UBR4: variants seen among roughly 807,000 people sequenced by gnomAD.
UBR4 encodes ubiquitin protein ligase E3 component n-recognin 4, also known as E3 ubiquitin-protein ligase UBR4.
A neutral mutation model predicts 575.6 loss-of-function variants in UBR4; 124 were observed. The ratio of observed to expected loss-of-function variants is 0.22; its 90% CI spans 0.19 to 0.25. The LOEUF (loss-of-function observed/expected upper bound fraction) is 0.25. Ranked by LOEUF, UBR4 falls within the 10% of genes least tolerant of loss-of-function variation. The pLI, the probability that UBR4 is intolerant of heterozygous loss-of-function variation, is 1.00. For missense variants in UBR4, 4,818 were observed against 6,478.8 expected (o/e 0.74, Z 8.80); for synonymous variants, 2,455 against 2,473.7 (o/e 0.99, Z 0.22).
In UBR4 at chr1:19,146,855, G is replaced by A. The variant is rs1260814939; in HGVS notation, c.7775C>T (p.Thr2592Met). The A allele has an allele frequency of 9.3e-6, 15 of 1,613,740 alleles. 1 individual carries two copies. Among genetic ancestry groups the A allele is most frequent in the East Asian group, 6.7e-5 (3 of 44,870 alleles). The change falls in exon 52 of 106, where the codon ACG becomes ATG. Residue 2592 changes from threonine (T) to methionine (M), a missense_variant. Physicochemically the swap from Thr to Met is moderately conservative, Grantham distance 81 (BLOSUM62 -1). Coordinates refer to ENST00000375254, the MANE Select transcript of UBR4 (RefSeq NM_020765.3). ...IMRPNNLVHF[T>M]ESKLPQMETE... is the part of the protein sequence containing the mutation. Reference sequence around the variant, plus strand: ...TTCCATCTGGGGCAGCTTTGACTCCGTAAAGTGGACAAGGTTGTTGGGGCG... The same window carrying A: ...TTCCATCTGGGGCAGCTTTGACTCCATAAAGTGGACAAGGTTGTTGGGGCG...
At chr1:19,195,939 G>A (rs865901292) in intron 8 of UBR4, among the ~76,000 whole-genome samples, 14 of 144,168 alleles carry the variant, frequency 9.7e-5, no homozygotes, top group Middle Eastern at 3.8e-3. Flanking sequence ...CAACACCCAC[G>A]AACAGCCATA....
chr1:19,146,904 T>C lies in UBR4; in HGVS notation c.7726A>G (p.Thr2576Ala). The C allele has an allele frequency of 6.2e-7, 1 of 1,614,214 alleles. No individual in the cohort carries two copies. Among genetic ancestry groups the C allele is most frequent in the Non-Finnish European group, 8.5e-7 (1 of 1,180,016 alleles). ...DPEVFQRLVITARSIAIMRPN... is the reference protein window; with the variant it reads ...DPEVFQRLVIAARSIAIMRPN... ...CGCATGATGGCAATGGAGCGAGCTG[T>C]GATCACTAGCCTCTGGAACACCTCA... The change falls in exon 52 of 106, where the codon ACA becomes GCA. Residue 2576 changes from threonine to alanine, a missense_variant. Transcript: ENST00000375254.
chr1:19,085,870 A>G (rs935697035), intron 101 of UBR4, among the ~76,000 whole-genome samples: 2 of 152,202 alleles, frequency 1.3e-5, no homozygotes, highest in Non-Finnish European at 2.9e-5. Flanking sequence ...CAGCAAAGGA[A>G]TAGTGAAGAC....
Position 19,088,548 on chromosome 1 carries a change from T to C in UBR4, c.14430+211A>G, listed in dbSNP as rs1335850926. ...TGGCTATTATCACTGGTTTACTGTTTTGGTAAACTTCGTAAGTCACTTACT... is the reference window on the plus strand; with the variant it reads ...TGGCTATTATCACTGGTTTACTGTTCTGGTAAACTTCGTAAGTCACTTACT... On this transcript the variant is annotated intron_variant, in intron 98 of 105. Transcript: ENST00000375254. This position sits in a 1 kb window ranked among gnomAD's most constrained non-coding sequence, Gnocchi z 4.0. Among the ~76,000 whole-genome samples the C allele has an allele frequency of 6.6e-6, 1 of 152,240 alleles. No individual in the cohort carries two copies. The highest frequency in any genetic ancestry group is 1.5e-5 in the Non-Finnish European group (1 of 68,038).
chr1:19,089,133 C>T lies in UBR4; in HGVS notation c.14212-156G>A, dbSNP rs1043599791. Among the ~76,000 whole-genome samples the T allele has an allele frequency of 6.6e-5, 10 of 152,358 alleles. No individual in the cohort carries two copies. Among genetic ancestry groups the T allele is most frequent in the Non-Finnish European group, 1.2e-4 (8 of 68,032 alleles). ...CTTTGATTCCACACTTTGACAGACA[C>T]AGACAAATGGAAGAGGGTTTGGCTC... On this transcript the variant is annotated intron_variant, in intron 97 of 105. Coordinates refer to ENST00000375254, the MANE Select transcript of UBR4 (RefSeq NM_020765.3). This position sits in a 1 kb window ranked among gnomAD's most constrained non-coding sequence, Gnocchi z 4.3.
At chr1:19,103,273 G>A (rs1459058129) in intron 87 of UBR4, among the ~76,000 whole-genome samples, 1 of 152,164 alleles carries the variant, frequency 6.6e-6, no homozygotes, top group African/African-American at 2.4e-5. Context: ...ATAAAGGAGG[G>A]AAATGTGAAT....
At chr1:19,123,130 A>C (rs2081350891) in intron 65 of UBR4, 70 bp from the exon 66 acceptor site, 9 of 1,516,878 alleles carry the variant, frequency 5.9e-6, no homozygotes, top group Non-Finnish European at 7.2e-6. Context: ...TGGCTCTCAC[A>C]CCCTGGGTTT....
intron 96 of UBR4, 45 bp from the exon 97 acceptor site, chr1:19,092,963 G>C: frequency 6.4e-7 from 1 of 1,562,894 alleles, no homozygotes; most frequent in Non-Finnish European, 8.7e-7. Flanking sequence ...GGAAGCAAAG[G>C]CTACCTAGAA....
rs781730835 is a variant in UBR4, at chr1:19,081,488, C to T, written c.15094G>A (p.Val5032Met). 6.2e-6 allele frequency: 10 copies of T among 1,613,962 alleles called. No homozygotes were observed. The East Asian group carries it at 2.2e-4, about 36-fold the overall frequency. ...ACTGTGAAATAGTAGGGCCCGTCCA[C>T]TTCAAAGGCACTCTCCACCCACTTC... is the stretch of plus-strand genomic sequence containing the variant. ...KEKWVESAFEVDGPYYFTVLA... is the reference protein window; with the variant it reads ...KEKWVESAFEMDGPYYFTVLA... The change falls in exon 103 of 106, where the codon GTG becomes ATG. Residue 5032 changes from valine (V) to methionine (M), a missense_variant. Val to Met is a conservative substitution (Grantham distance 21, BLOSUM62 1). Coordinates refer to ENST00000375254, the MANE Select transcript of UBR4 (RefSeq NM_020765.3).
intron 1 of UBR4, among the ~76,000 whole-genome samples, chr1:19,209,128 A>G (rs1355262591): frequency 6.6e-6 from 1 of 152,252 alleles, no homozygotes; most frequent in Non-Finnish European, 1.5e-5. Context: ...AGTAACAAAT[A>G]GCAATTTTTA....
intron 97 of UBR4, among the ~76,000 whole-genome samples, chr1:19,091,558 G>GCACATGAAAAGACGTTCAA (rs2077513316): frequency 1.3e-5 from 2 of 152,168 alleles, no homozygotes. Flanking sequence ...GATACACAGG[G>GCACATGAAAAGACGTTCAA]CACATGAAAA....
At chr1:19,140,046 G>A (rs1051891352) in intron 58 of UBR4, among the ~76,000 whole-genome samples, 1 of 152,052 alleles carries the variant, frequency 6.6e-6, no homozygotes, top group Non-Finnish European at 1.5e-5. Context: ...GCAGCAGGTG[G>A]GGCCAGCCGC....
In UBR4 at chr1:19,108,450, G is replaced by A. The variant is rs571326075; in HGVS notation, c.12106-1484C>T. 2.0e-4 allele frequency among the ~76,000 whole-genome samples: 31 copies of A among 152,142 alleles called. 1 individual carries two copies. The highest frequency in any genetic ancestry group is 1.3e-3 in the Admixed American group (20 of 15,290). ...CTGGTTTGGCTTGCATCTCACACAAGTGCCTTTTCTCAGCACAACTGCTGT... is the reference window on the plus strand; with the variant it reads ...CTGGTTTGGCTTGCATCTCACACAAATGCCTTTTCTCAGCACAACTGCTGT... On this transcript the variant is annotated intron_variant, in intron 81 of 105. Transcript: ENST00000375254.
At chr1:19,102,850 A>G (rs188728771) in intron 87 of UBR4, among the ~76,000 whole-genome samples, 3 of 152,238 alleles carry the variant, frequency 2.0e-5, no homozygotes, top group African/African-American at 7.2e-5. Context: ...CTTTCCCCCA[A>G]CCAAATAACT....
rs779605229 is a variant in UBR4 at position 19,100,650 on chromosome 1, A to G, written c.13024-77T>C. On this transcript the variant is annotated intron_variant, in intron 88 of 105. Transcript: ENST00000375254. This position sits in a 1 kb window ranked among gnomAD's most constrained non-coding sequence, Gnocchi z 4.2. ...TATACCATGCTACCTTGTTCCATGG[A>G]CACTCGAGGAAAACACACCAAACTC... The G allele has an allele frequency of 7.0e-7, 1 of 1,425,986 alleles. No individual in the cohort carries two copies. Among genetic ancestry groups the G allele is most frequent in the Non-Finnish European group, 9.8e-7 (1 of 1,021,188 alleles). 88.3% of individuals were successfully genotyped at this position (1,425,986 alleles called of 1,614,324 possible). A position where few individuals can be genotyped will look rare whatever the true frequency, so the allele number is the denominator to read the frequency against.
At chr1:19,202,262 G>A (rs1251722505) in intron 1 of UBR4, among the ~76,000 whole-genome samples, 3 of 152,124 alleles carry the variant, frequency 2.0e-5, no homozygotes, top group African/African-American at 7.2e-5. Context: ...ATCAGGCTAG[G>A]GAAGAAGCAG....
chr1:19,120,365 G>C lies in UBR4; in HGVS notation c.10142-17C>G, dbSNP rs377138650. On this transcript the variant is annotated splice_polypyrimidine_tract_variant and intron_variant, in intron 68 of 105. Transcript: ENST00000375254. ...AGGTCTCACCTGCAAGATTAGGACAGGACTAAGGGCTGAAGAGTAGGAAGA... is the reference window on the plus strand; with the variant it reads ...AGGTCTCACCTGCAAGATTAGGACACGACTAAGGGCTGAAGAGTAGGAAGA... 1.2e-6 allele frequency: 2 copies of C among 1,612,784 alleles called. No individual in the cohort carries two copies. The highest frequency in any genetic ancestry group is 8.5e-7 in the Non-Finnish European group (1 of 1,178,970).
At position 19,197,830 on chromosome 1, in the gene UBR4, C is replaced by T. The variant is rs756014995; in HGVS notation, c.752-19G>A. ...GAGCCACCTAAATGAATGAAAACCACAACCTTACAAACAGGCCTTTGTCTG... is the reference window on the plus strand; with the variant it reads ...GAGCCACCTAAATGAATGAAAACCATAACCTTACAAACAGGCCTTTGTCTG... On this transcript the variant is annotated intron_variant, in intron 6 of 105. Coordinates refer to ENST00000375254, the MANE Select transcript of UBR4 (RefSeq NM_020765.3). 6 of 1,613,772 alleles carry T rather than the reference C, an allele frequency of 3.7e-6. No homozygotes were observed. The highest frequency in any genetic ancestry group is 5.1e-6 in the Non-Finnish European group (6 of 1,179,814).
intron 97 of UBR4, among the ~76,000 whole-genome samples, chr1:19,091,789 C>T (rs1402197624): frequency 2.0e-5 from 3 of 152,164 alleles, no homozygotes; most frequent in Non-Finnish European, 2.9e-5. Context: ...AACTACTATA[C>T]AACGCAGCAA....
Sources: gnomAD v4.1 joint callset for allele counts (sites outside exome capture counted in the v4.1 genomes callset) on GRCh38, gnomAD v4.1.1 for gene constraint, Gnocchi (gnomAD v3.1) non-coding constraint, MANE v1.5 for transcripts, NCBI Gene and HGNC (gene_info 2026-07-23, HGNC 2026-07-21) for gene names.